Variants in PHLDB2 observed in about 807,000 individuals in gnomAD.
The protein encoded by PHLDB2 is pleckstrin homology like domain family B member 2, also known as pleckstrin homology-like domain family B member 2.
A neutral mutation model predicts 123.6 loss-of-function variants in PHLDB2; 71 were observed. The observed-to-expected ratio is 0.57, with a 90% CI of 0.47 to 0.70. PHLDB2 has a LOEUF of 0.70. Among genes scored for constraint, PHLDB2 ranks in the 30% least tolerant of loss-of-function variants. The probability of loss-of-function intolerance (pLI) is 0.00; values close to 1 mark genes in which losing one functional copy is unlikely to be tolerated. For synonymous variants in PHLDB2, 547 were observed against 541.6 expected, an observed-to-expected ratio of 1.01 and a Z score of -0.14; for missense variants, 1,446 against 1,519.5, an observed-to-expected ratio of 0.95 and a Z score of 0.80.
intron 2 of PHLDB2, among the ~76,000 whole-genome samples, chr3:111,853,565 T>G (rs867909781): frequency 1.3e-5 from 2 of 152,090 alleles, no homozygotes; most frequent in Non-Finnish European, 2.9e-5. Context: ...GTACCTACAT[T>G]AACACACTGG....
intron 1 of PHLDB2, among the ~76,000 whole-genome samples, chr3:111,878,629 T>C (rs1199752005): frequency 2.6e-5 from 4 of 152,208 alleles, no homozygotes; most frequent in Admixed American, 6.5e-5. Flanking sequence ...TGTCTTGTGC[T>C]GGTTTTCAAA....
intron 1 of PHLDB2, among the ~76,000 whole-genome samples, chr3:111,754,606 T>C (rs1425929630): frequency 1.5e-5 from 2 of 136,004 alleles, no homozygotes; most frequent in Non-Finnish European, 3.1e-5. Flanking sequence ...ACAGGGACAA[T>C]TTGACTTCCT....
intron 12 of PHLDB2, among the ~76,000 whole-genome samples, chr3:111,961,421 T>C (rs1011102572): frequency 4.6e-5 from 7 of 152,204 alleles, no homozygotes; most frequent in South Asian, 2.1e-4. Context: ...ATCAACAGCT[T>C]GTGGAAGGCT....
intron 1 of PHLDB2, among the ~76,000 whole-genome samples, chr3:111,767,981 A>G (rs549764718): frequency 1.3e-5 from 2 of 152,286 alleles, no homozygotes; most frequent in African/African-American, 4.8e-5. Context: ...AGGATGTGAT[A>G]AAGGTTGAGA....
chr3:111,955,249 A>G (rs2070983211), intron 12 of PHLDB2, among the ~76,000 whole-genome samples: 1 of 151,690 alleles, frequency 6.6e-6, no homozygotes, highest in African/African-American at 2.4e-5. Context: ...ATAATGTGTA[A>G]GAGACATTTG....
chr3:111,734,219 G>A lies in PHLDB2; in HGVS notation c.-49+1516G>A, dbSNP rs1006705421. Reference sequence around the variant, plus strand: ...GTGTGAATCTGGCTGGTATCCAGAGGATGTTCATAGATAATGCAAGTGATG... The same window carrying A: ...GTGTGAATCTGGCTGGTATCCAGAGAATGTTCATAGATAATGCAAGTGATG... On this transcript the variant is annotated intron_variant, in intron 1 of 17. Coordinates refer to the PHLDB2 transcript ENST00000393923. 1.6e-4 allele frequency among the ~76,000 whole-genome samples: 25 copies of A among 152,320 alleles called. 2 individuals are homozygous for A. The highest frequency in any genetic ancestry group is 1.1e-3 in the Admixed American group (17 of 15,294).
At chr3:111,794,778 G>A (rs2061082027) in intron 1 of PHLDB2, among the ~76,000 whole-genome samples, 2 of 152,144 alleles carry the variant, frequency 1.3e-5, no homozygotes, top group Non-Finnish European at 2.9e-5. Context: ...GAATGGTAAG[G>A]CATTTGATCA....
chr3:111,913,498 A>G lies in PHLDB2; in HGVS notation c.1515A>G (p.Arg505=), dbSNP rs1168767050. The change falls in exon 3 of 18, where the codon AGA becomes AGG. Residue 505 remains arginine (R), a synonymous_variant. Transcript: ENST00000431670. ...FEEALMSPDT[R]YRCHRKDSLP... ...AAGCCCTCATGAGCCCTGACACAAG[A>G]TACAGGTGCCACCGGAAAGACTCCC... The G allele has an allele frequency of 1.9e-6, 3 of 1,614,110 alleles. No homozygotes were observed. Among genetic ancestry groups the G allele is most frequent in the Admixed American group, 1.7e-5 (1 of 60,020 alleles).
chr3:111,939,630 G>T lies in PHLDB2; in HGVS notation c.2286G>T (p.Lys762Asn). The change falls in exon 7 of 18, where the codon AAG (lysine) becomes AAT (asparagine). Residue 762 changes from lysine (K) to asparagine (N), a missense_variant and splice_region_variant. Lys to Asn is a moderately conservative substitution (Grantham distance 94). Transcript: ENST00000431670. ...ATCAACGGAACATCGTTTCTAGAAA[G>T]GTACTTTTTCCAGGTGTCATTCAAT... ...AEYQRNIVSRKEKISALKKQA... is the reference protein window; with the variant it reads ...AEYQRNIVSRNEKISALKKQA... 2 of 1,606,934 alleles carry T rather than the reference G, an allele frequency of 1.2e-6. No homozygotes were observed. The highest frequency in any genetic ancestry group is 8.5e-7 in the Non-Finnish European group (1 of 1,178,030).
At chr3:111,787,766 C>T (rs766828291) in intron 1 of PHLDB2, among the ~76,000 whole-genome samples, 15 of 152,110 alleles carry the variant, frequency 9.9e-5, no homozygotes, top group Non-Finnish European at 1.3e-4. Context: ...AGGACCACCC[C>T]GGGGTCGAGT....
At chr3:111,911,717 AAAGGG>A in intron 2 of PHLDB2, 2 of 1,536,166 alleles carry the variant, frequency 1.3e-6, no homozygotes, top group Non-Finnish European at 1.7e-6. Flanking sequence ...TCAGGCAGTG[AAAGGG>A]AGGTGCGAGC....
intron 10 of PHLDB2, among the ~76,000 whole-genome samples, chr3:111,950,706 A>G (rs2070658743): frequency 6.6e-6 from 1 of 152,118 alleles, no homozygotes; most frequent in African/African-American, 2.4e-5. Flanking sequence ...GATGTAGGCG[A>G]GCTCTGGTTG....
chr3:111,869,734 T>G (rs1284854124), intron 1 of PHLDB2, among the ~76,000 whole-genome samples: 1 of 152,152 alleles, frequency 6.6e-6, no homozygotes, highest in Non-Finnish European at 1.5e-5. Context: ...TGTGTGTGTC[T>G]ACACACATTA....
At chr3:111,883,747 A>G (rs1334332891) in intron 1 of PHLDB2, among the ~76,000 whole-genome samples, 2 of 152,370 alleles carry the variant, frequency 1.3e-5, no homozygotes, top group East Asian at 3.9e-4. Flanking sequence ...TCGAAGGGCC[A>G]GAACATTAAG....
At chr3:111,923,472 G>C (rs1250730591) in intron 5 of PHLDB2, among the ~76,000 whole-genome samples, 1 of 152,068 alleles carries the variant, frequency 6.6e-6, no homozygotes, top group Non-Finnish European at 1.5e-5. Flanking sequence ...CAAATAACTT[G>C]TATATGCTGG....
intron 1 of PHLDB2, among the ~76,000 whole-genome samples, chr3:111,783,523 C>T (rs964042945): frequency 5.9e-5 from 9 of 152,044 alleles, no homozygotes; most frequent in Admixed American, 1.3e-4. Context: ...AAAACAAAAA[C>T]TCATCACCTT....
intron 2 of PHLDB2, among the ~76,000 whole-genome samples, chr3:111,889,322 A>G (rs2107358892): frequency 6.6e-6 from 1 of 152,276 alleles, no homozygotes; most frequent in South Asian, 2.1e-4. Flanking sequence ...TTTACCCATG[A>G]CACAGCCCCA....
intron 1 of PHLDB2, among the ~76,000 whole-genome samples, chr3:111,818,951 G>C (rs541588120): frequency 6.6e-6 from 1 of 152,080 alleles, no homozygotes; most frequent in Admixed American, 6.6e-5. Flanking sequence ...AAAACAAAAT[G>C]TCATCAATTG....
chr3:111,777,959 T>A (rs542607228), intron 1 of PHLDB2, among the ~76,000 whole-genome samples: 2 of 152,194 alleles, frequency 1.3e-5, no homozygotes, highest in South Asian at 4.2e-4. Context: ...TCCAGACCAT[T>A]TAACAAACTC....
Sources: allele counts gnomAD v4.1 joint callset (sites outside exome capture counted in the v4.1 genomes callset), GRCh38; gene constraint gnomAD v4.1.1; transcripts MANE v1.5; gene names NCBI Gene and HGNC (gene_info 2026-07-23, HGNC 2026-07-21).